ELMO1: variants seen among roughly 807,000 people sequenced by gnomAD.
The protein encoded by ELMO1 is engulfment and cell motility 1.
A neutral mutation model predicts 98.9 loss-of-function variants in ELMO1; 26 were observed. The ratio of observed to expected loss-of-function variants is 0.26; its 90% confidence interval spans 0.19 to 0.36. ELMO1 has a LOEUF of 0.36. ELMO1 is among the 10% of genes least tolerant of loss of function. The pLI, the probability that ELMO1 is intolerant of heterozygous loss-of-function variation, is 1.00. For missense variants in ELMO1, 627 were observed against 935.2 expected, an observed-to-expected ratio of 0.67 and a Z score of 4.30; for synonymous variants, 346 against 346.0, an observed-to-expected ratio of 1.00 and a Z score of 0.00.
chr7:37,039,730 A>G lies in ELMO1; in HGVS notation c.1301-26295T>C, dbSNP rs552869750. 7.9e-4 allele frequency among the ~76,000 whole-genome samples: 120 copies of G among 152,336 alleles called. 1 individual carries two copies. Among genetic ancestry groups the G allele is most frequent in the African/African-American group, 2.7e-3 (114 of 41,568 alleles). On this transcript the variant is annotated intron_variant, in intron 15 of 21. Transcript: ENST00000310758. ...CTGTGTCTAATTCCTCTTCCTAGCT[A>G]TCGACAATAAATACTTAAAATTCAC...
intron 15 of ELMO1, among the ~76,000 whole-genome samples, chr7:37,085,099 G>C (rs1209520089): frequency 6.6e-6 from 1 of 152,088 alleles, no homozygotes. Flanking sequence ...AGTGCCCAAG[G>C]CTGGGAGACC....
Position 37,211,438 on chromosome 7 carries a change from A to G in ELMO1, c.1034T>C (p.Met345Thr), listed in dbSNP as rs1355530115. Residue 345 changes from methionine to threonine, a missense_variant, in exon 13 of 22, where the codon ATG (methionine) becomes ACG (threonine). Met to Thr is a moderately conservative substitution (Grantham distance 81, BLOSUM62 -1). Around this residue, in one of 3 missense-constraint regions of ELMO1, gnomAD observed 492 missense variants for 715.6 expected, o/e 0.69. Coordinates refer to ENST00000310758, the MANE Select transcript of ELMO1 (RefSeq NM_014800.11). Reference sequence around the variant, plus strand: ...CGTGTACATGGACTTGCGTTTCTCCATGCTGCCACTGCTGTTGTTAGGTTC... The same window carrying G: ...CGTGTACATGGACTTGCGTTTCTCCGTGCTGCCACTGCTGTTGTTAGGTTC... Reference protein sequence around the residue: ...ESEPNNSSGSMEKRKSMYTRD... With the variant: ...ESEPNNSSGSTEKRKSMYTRD... The G allele has an allele frequency of 1.9e-6, 3 of 1,613,922 alleles. No homozygotes were observed. Among genetic ancestry groups the G allele is most frequent in the African/African-American group, 2.7e-5 (2 of 74,908 alleles).
At chr7:36,894,710 T>C in intron 17 of ELMO1, 144 bp downstream of exon 17, 1 of 1,023,936 alleles carries the variant, frequency 9.8e-7, no homozygotes, top group South Asian at 1.6e-5. Flanking sequence ...GAGACTCCCC[T>C]AACTAAATGG....
At chr7:37,248,709 G>A (rs1179408001) in intron 6 of ELMO1, among the ~76,000 whole-genome samples, 2 of 152,254 alleles carry the variant, frequency 1.3e-5, no homozygotes, top group African/African-American at 4.8e-5. Flanking sequence ...TGGCCTCTGA[G>A]GAGGTAAAGT....
At chr7:36,923,030 T>A (rs79013412) in intron 16 of ELMO1, among the ~76,000 whole-genome samples, 7,537 of 152,280 alleles carry the variant, frequency 0.049, 286 homozygotes, top group South Asian at 0.14. Flanking sequence ...GTGTCTAGAC[T>A]TTCCCACAAG....
chr7:36,902,643 C>T (rs564429208), intron 16 of ELMO1, among the ~76,000 whole-genome samples: 3 of 152,336 alleles, frequency 2.0e-5, no homozygotes, highest in South Asian at 2.1e-4. Flanking sequence ...CAACCCAAGT[C>T]TTGTTCTCTG....
intron 12 of ELMO1, 63 bp downstream of exon 12, chr7:37,213,272 A>G: frequency 6.4e-7 from 1 of 1,570,128 alleles, no homozygotes; most frequent in Non-Finnish European, 8.7e-7. Flanking sequence ...TACCTCAAGA[A>G]AAGACTTTTA....
chr7:36,923,940 C>CTGTG (rs1785338808), intron 16 of ELMO1, among the ~76,000 whole-genome samples: 2 of 152,070 alleles, frequency 1.3e-5, no homozygotes, highest in Non-Finnish European at 2.9e-5. Flanking sequence ...GGAACACAAA[C>CTGTG]AGTGAGGAAG....
chr7:37,258,860 ATTG>A (rs1325149387), intron 6 of ELMO1, among the ~76,000 whole-genome samples: 1 of 152,096 alleles, frequency 6.6e-6, no homozygotes, highest in African/African-American at 2.4e-5. Context: ...ATGAGGGACT[ATTG>A]TTTTGTCGAG....
chr7:37,139,999 T>C (rs1290707672), intron 13 of ELMO1, among the ~76,000 whole-genome samples: 3 of 152,112 alleles, frequency 2.0e-5, no homozygotes, highest in African/African-American at 7.2e-5. Context: ...GGTGTTGGGA[T>C]AATTGGCAAG....
At chr7:37,378,539 A>C (rs1802453945) in intron 1 of ELMO1, among the ~76,000 whole-genome samples, 1 of 152,154 alleles carries the variant, frequency 6.6e-6, no homozygotes, top group Non-Finnish European at 1.5e-5. Flanking sequence ...CTAGAAAAAG[A>C]GGGAGATAAA....
chr7:37,351,744 C>G (rs1442474813), intron 1 of ELMO1, among the ~76,000 whole-genome samples: 1 of 152,190 alleles, frequency 6.6e-6, no homozygotes, highest in East Asian at 1.9e-4. Context: ...GTTTACTGCC[C>G]TGAGTTCCAA....
At chr7:37,243,957 G>C (rs543873550) in intron 7 of ELMO1, among the ~76,000 whole-genome samples, 1 of 152,234 alleles carries the variant, frequency 6.6e-6, no homozygotes, top group African/African-American at 2.4e-5. Context: ...TTTTAAAAAT[G>C]TGAATCCGTT....
intron 16 of ELMO1, among the ~76,000 whole-genome samples, chr7:36,950,032 C>G (rs1787838088): frequency 6.6e-6 from 1 of 152,186 alleles, no homozygotes; most frequent in Admixed American, 6.5e-5. Context: ...GCCCCATGCT[C>G]CTATACATCT....
intron 15 of ELMO1, among the ~76,000 whole-genome samples, chr7:37,035,205 T>C (rs572616476): frequency 6.6e-6 from 1 of 152,350 alleles, no homozygotes; most frequent in South Asian, 2.1e-4. Context: ...CTGCTTCCTC[T>C]TGTTGGCAGA....
intron 16 of ELMO1, among the ~76,000 whole-genome samples, chr7:36,980,917 A>C (rs1584472693): frequency 6.6e-6 from 1 of 152,184 alleles, no homozygotes; most frequent in East Asian, 1.9e-4. Context: ...CAAAATGTTA[A>C]GTAATATTAT....
chr7:37,135,457 G>A (rs907236391), intron 13 of ELMO1, among the ~76,000 whole-genome samples: 1 of 152,120 alleles, frequency 6.6e-6, no homozygotes, highest in Non-Finnish European at 1.5e-5. Flanking sequence ...CACAACCAAG[G>A]ACCCGCACAG....
intron 7 of ELMO1, among the ~76,000 whole-genome samples, chr7:37,234,388 T>C (rs1322861263): frequency 6.6e-6 from 1 of 152,218 alleles, no homozygotes; most frequent in Non-Finnish European, 1.5e-5. Context: ...CAATTTCCCT[T>C]CTTCCTACTG....
At chr7:37,293,276 A>AG (rs1269452715) in intron 4 of ELMO1, among the ~76,000 whole-genome samples, 1 of 136,054 alleles carries the variant, frequency 7.4e-6, no homozygotes, top group African/African-American at 2.6e-5. Flanking sequence ...TAGAATAGAA[A>AG]GGGGGGAAAG....
Sources: allele counts gnomAD v4.1 joint callset (sites outside exome capture counted in the v4.1 genomes callset), GRCh38; gene constraint gnomAD v4.1.1; regional missense constraint gnomAD v4.1.1; transcripts MANE v1.5; gene names NCBI Gene and HGNC (gene_info 2026-07-23, HGNC 2026-07-21).